Variants in MERTK observed in about 807,000 individuals in gnomAD.
MERTK encodes the protein tyrosine-protein kinase Mer.
In MERTK, 69 loss-of-function variants were observed where a neutral mutation model predicts 99.3. The observed-to-expected ratio is 0.70, with a 90% confidence interval of 0.57 to 0.85. The LOEUF (loss-of-function observed/expected upper bound fraction) is 0.85. MERTK is among the 40% of genes least tolerant of loss of function. MERTK has a pLI of 0.00. For synonymous variants in MERTK, 426 were observed against 467.6 expected, an observed-to-expected ratio of 0.91 and a Z score of 1.15; for missense variants, 1,125 against 1,249.4, an observed-to-expected ratio of 0.90 and a Z score of 1.50.
chr2:111,957,991 C>G (rs954104002), intron 4 of MERTK, among the ~76,000 whole-genome samples: 1 of 152,116 alleles, frequency 6.6e-6, no homozygotes, highest in Admixed American at 6.5e-5. Context: ...CTGAATGTTC[C>G]TTAAAAATAT....
intron 8 of MERTK, among the ~76,000 whole-genome samples, chr2:111,984,802 C>A (rs1193083272): frequency 6.6e-6 from 1 of 152,182 alleles, no homozygotes; most frequent in African/African-American, 2.4e-5. Flanking sequence ...TGAGCACATT[C>A]CACTCTGGTC....
chr2:111,950,228 G>T (rs1043267577), intron 4 of MERTK, among the ~76,000 whole-genome samples: 3 of 152,158 alleles, frequency 2.0e-5, no homozygotes, highest in African/African-American at 7.2e-5. Context: ...AAGCCACCGT[G>T]CCTGGCCAGT....
Position 111,925,555 on chromosome 2 carries a change from A to G in MERTK, c.62-3565A>G, listed in dbSNP as rs1301619177. 2.0e-5 allele frequency among the ~76,000 whole-genome samples: 3 copies of G among 151,462 alleles called. No homozygotes were observed. The East Asian group carries it at 5.9e-4, about 30-fold the overall frequency. On this transcript the variant is annotated intron_variant, in intron 1 of 18. Coordinates refer to ENST00000295408, the MANE Select transcript of MERTK (RefSeq NM_006343.3). The stretch of plus-strand genomic sequence containing the variant: ...TGACCTCAGGTGATCCACCCACCTC[A>G]GCCTCCCAAAGTGCTGGGATTACAG...
rs927619907 is a variant in MERTK at position 111,996,781 on chromosome 2, T to C, written c.1451-542T>C. On this transcript the variant is annotated intron_variant, in intron 9 of 18. Transcript: ENST00000295408. ...ATTGAAAGAACAAAAGCTAAAACAT[T>C]AGCAGTCGATCCAAACTTAGAAAGG... Among the ~76,000 whole-genome samples, 4 of 152,302 alleles carry C rather than the reference T, an allele frequency of 2.6e-5. No homozygotes were observed. In the South Asian group the frequency reaches 6.2e-4, roughly 24 times the overall value.
chr2:111,978,926 C>T (rs145078296), intron 7 of MERTK, among the ~76,000 whole-genome samples: 2 of 152,232 alleles, frequency 1.3e-5, no homozygotes, highest in East Asian at 1.9e-4. Context: ...AGTCTCAGGT[C>T]GGTTATTACC....
At chr2:111,964,850 C>A (rs1685331723) in intron 4 of MERTK, among the ~76,000 whole-genome samples, 1 of 152,146 alleles carries the variant, frequency 6.6e-6, no homozygotes. Flanking sequence ...GGTTAGGCAG[C>A]AGGATCAGGT....
At chr2:111,926,770 G>C (rs1287379756) in intron 1 of MERTK, among the ~76,000 whole-genome samples, 1 of 152,218 alleles carries the variant, frequency 6.6e-6, no homozygotes, top group Non-Finnish European at 1.5e-5. Flanking sequence ...AGTAAGTAGA[G>C]CACCCTTGAG....
intron 4 of MERTK, among the ~76,000 whole-genome samples, chr2:111,956,947 C>CTTTTTTT (rs71385850): frequency 4.4e-5 from 6 of 137,168 alleles, no homozygotes; most frequent in Admixed American, 1.5e-4. Flanking sequence ...TTTCTTTTTT[C>CTTTTTTT]TTTTTTTTTT....
chr2:112,002,318 A>G (rs1270737694), intron 11 of MERTK, among the ~76,000 whole-genome samples: 1 of 152,204 alleles, frequency 6.6e-6, no homozygotes, highest in East Asian at 1.9e-4. Context: ...AGTATGTAAA[A>G]TAAGAGCTTA....
chr2:112,021,387 C>G (rs1190942069), intron 16 of MERTK, 35 bp from the exon 17 acceptor site: 2 of 1,611,448 alleles, frequency 1.2e-6, no homozygotes, highest in Non-Finnish European at 1.7e-6. Flanking sequence ...GGCATTGCCT[C>G]TGACGCTGCT....
chr2:111,975,982 C>T (rs961068537), intron 7 of MERTK, among the ~76,000 whole-genome samples: 14 of 141,974 alleles, frequency 9.9e-5, no homozygotes, highest in African/African-American at 3.3e-4. Context: ...AGATGCCAAT[C>T]ACAAGTCTGG....
intron 1 of MERTK, among the ~76,000 whole-genome samples, chr2:111,916,035 T>C (rs1191026119): frequency 6.6e-6 from 1 of 152,252 alleles, no homozygotes; most frequent in Non-Finnish European, 1.5e-5. Context: ...TTGTTGAGGT[T>C]TGCTTTATAT....
rs372636110 is a variant in MERTK at position 111,926,280 on chromosome 2, G to A, written c.62-2840G>A. The stretch of plus-strand genomic sequence containing the variant: ...TTTGCTTCTCCCACTTCCCATTTTT[G>A]CCTTCTAAGAAAGGGACCTATATTT... On this transcript the variant is annotated intron_variant, in intron 1 of 18. Coordinates refer to ENST00000295408, the MANE Select transcript of MERTK (RefSeq NM_006343.3). Among the ~76,000 whole-genome samples, 18 of 152,006 alleles carry A rather than the reference G, an allele frequency of 1.2e-4. No homozygotes were observed. In the East Asian group the frequency reaches 2.3e-3, roughly 20 times the overall value.
At chr2:112,012,240 C>A (rs567771000) in intron 15 of MERTK, among the ~76,000 whole-genome samples, 7 of 148,292 alleles carry the variant, frequency 4.7e-5, no homozygotes, top group South Asian at 4.5e-4. Flanking sequence ...CCCCGCCCCC[C>A]ACATCAGTCA....
intron 1 of MERTK, among the ~76,000 whole-genome samples, chr2:111,903,649 C>T (rs1197512338): frequency 1.3e-5 from 2 of 152,108 alleles, no homozygotes; most frequent in Non-Finnish European, 2.9e-5. Flanking sequence ...ATTATAAAAA[C>T]TGAAAGGGGT....
At chr2:111,916,142 G>C (rs757829277) in intron 1 of MERTK, among the ~76,000 whole-genome samples, 1 of 151,860 alleles carries the variant, frequency 6.6e-6, no homozygotes, top group Non-Finnish European at 1.5e-5. Context: ...TTGAAACAGG[G>C]TCTCATTCTG....
intron 6 of MERTK, among the ~76,000 whole-genome samples, chr2:111,973,877 A>G (rs1676174539): frequency 2.0e-5 from 3 of 149,940 alleles, no homozygotes; most frequent in Admixed American, 6.7e-5. Context: ...TTGGAGGGGG[A>G]TGTGGAGAGA....
chr2:112,009,851 G>A (rs188195857), intron 14 of MERTK, 97 bp from the exon 15 acceptor site: 86 of 921,896 alleles, frequency 9.3e-5, no homozygotes, highest in Non-Finnish European at 1.4e-4. Context: ...TGTTAACTTG[G>A]TAACACACGG....
At chr2:111,902,178 C>T (rs1684056449) in intron 1 of MERTK, among the ~76,000 whole-genome samples, 1 of 152,230 alleles carries the variant, frequency 6.6e-6, no homozygotes, top group Admixed American at 6.5e-5. Context: ...AGCCACCACA[C>T]CCAGCCAATA....
Sources: gnomAD v4.1 joint callset for allele counts (sites outside exome capture counted in the v4.1 genomes callset) on GRCh38, gnomAD v4.1.1 for gene constraint, MANE v1.5 for transcripts, NCBI Gene and HGNC (gene_info 2026-07-23, HGNC 2026-07-21) for gene names.